The following GRIN2C variants were observed in gnomAD, a reference collection of about 807,000 sequenced individuals.
GRIN2C encodes glutamate ionotropic receptor NMDA type subunit 2C.
Under a neutral mutation model 77.7 loss-of-function variants are expected in GRIN2C, and 64 were observed. The ratio of observed to expected loss-of-function variants is 0.82; its 90% confidence interval spans 0.67 to 1.01. The LOEUF is 1.01. Among genes scored for constraint, GRIN2C ranks in the 50% least tolerant of loss-of-function variants. The probability of loss-of-function intolerance (pLI) is 0.00; values close to 1 mark genes in which losing one functional copy is unlikely to be tolerated. For synonymous variants in GRIN2C, 792 were observed against 643.4 expected (o/e 1.23, Z -3.49); for missense variants, 1,549 against 1,486.0 (o/e 1.04, Z -0.70).
chr17:74,852,381 C>A lies in GRIN2C; in HGVS notation c.630G>T (p.Ala210=). Residue 210 remains alanine, a synonymous_variant, in exon 3 of 13, where the codon GCG becomes GCT. Transcript: ENST00000293190. The part of the protein sequence containing the change: ...TLELGPGGPR[A]RTQRLLRQLD... ...GCTGGCGCAGCAGGCGCTGCGTGCG[C>A]GCGCGCGGCCCTCCCGGGCCCAGCT... 4 of 1,440,356 alleles carry A rather than the reference C, an allele frequency of 2.8e-6. No individual in the cohort carries two copies. Among genetic ancestry groups the A allele is most frequent in the Non-Finnish European group, 2.7e-6 (3 of 1,105,356 alleles). The allele number at this position is 1,440,356 out of a possible 1,614,324, so 89.2% of individuals were successfully genotyped here.
chr17:74,853,433 C>T (rs1204830479), intron 2 of GRIN2C: 1 of 152,180 alleles, frequency 6.6e-6, no homozygotes, highest in Admixed American at 6.5e-5. Flanking sequence ...GCTCTTAATT[C>T]GAGCAAACAG....
chr17:74,843,645 T>G, intron 12 of GRIN2C, 92 bp from the exon 13 acceptor site: 1 of 1,468,306 alleles, frequency 6.8e-7, no homozygotes. Flanking sequence ...GCATCATCAG[T>G]CTTCTATAAG....
Position 74,852,271 on chromosome 17 carries a change from C to T in GRIN2C, c.740G>A (p.Gly247Glu). The T allele has an allele frequency of 7.1e-7, 1 of 1,407,234 alleles. No homozygotes were observed. Among genetic ancestry groups the T allele is most frequent in the Non-Finnish European group, 9.2e-7 (1 of 1,086,922 alleles). The allele number at this position is 1,407,234 out of a possible 1,614,324, so 87.2% of individuals were successfully genotyped here. A position where few individuals can be genotyped will look rare whatever the true frequency, so the allele number is the denominator to read the frequency against. Reference sequence around the variant, plus strand: ...GGGCACCAGCCACACGTGGCCGGGCCCCACCAGACCGGCCTGCGCCGCCTC... The same window carrying T: ...GGGCACCAGCCACACGTGGCCGGGCTCCACCAGACCGGCCTGCGCCGCCTC... ...FAEAAQAGLV[G>E]PGHVWLVPNL... is the part of the protein sequence containing the mutation. The change falls in exon 3 of 13, where the codon GGG becomes GAG. Residue 247 changes from glycine to glutamate, a missense_variant. This residue lies in a region of GRIN2C where 382 missense variants were observed against 360.0 expected (regional missense o/e 1.06). Coordinates refer to ENST00000293190, the MANE Select transcript of GRIN2C (RefSeq NM_000835.6).
chr17:74,854,799 G>T lies in GRIN2C; in HGVS notation c.294C>A (p.Asn98Lys). Reference protein sequence around the residue: ...AHVHGIVFEDNVDTEAVAQIL... With the variant: ...AHVHGIVFEDKVDTEAVAQIL... Reference sequence around the variant, plus strand: ...TCTGGGCCACCGCCTCGGTGTCCACGTTGTCCTCAAAGACAATGCCGTGGA... The same window carrying T: ...TCTGGGCCACCGCCTCGGTGTCCACTTTGTCCTCAAAGACAATGCCGTGGA... The change falls in exon 2 of 13, where the codon AAC becomes AAA. Residue 98 changes from asparagine (N) to lysine (K), a missense_variant. Transcript: ENST00000293190. The T allele has an allele frequency of 6.2e-7, 1 of 1,613,810 alleles. No individual in the cohort carries two copies. The highest frequency in any genetic ancestry group is 1.1e-5 in the South Asian group (1 of 91,076).
At chr17:74,844,101 T>C (rs2037385340) in intron 12 of GRIN2C, 175 bp downstream of exon 12, 11 of 1,312,030 alleles carry the variant, frequency 8.4e-6, no homozygotes, top group Non-Finnish European at 1.1e-5. Context: ...CTCAAACTTC[T>C]GGACTCAAGG....
Position 74,847,951 on chromosome 17 carries a change from TC to T in GRIN2C, c.1671del (p.Met558Ter), listed in dbSNP as rs767237427. The T allele has an allele frequency of 3.1e-6, 5 of 1,614,052 alleles. No individual in the cohort carries two copies. The African/African-American group carries it at 6.7e-5, about 22-fold the overall frequency. On this transcript the variant is annotated frameshift_variant, in exon 8 of 13. Transcript: ENST00000293190. LOFTEE classifies it high-confidence loss of function. This position sits in a 1 kb window ranked among gnomAD's most constrained non-coding sequence, Gnocchi z 5.2. ...ACAGTGAGGCACATGACAAACATCATCACCCACACTGCAGGGCTATATGGCT... is the reference window on the plus strand; with the variant it reads ...ACAGTGAGGCACATGACAAACATCATACCCACACTGCAGGGCTATATGGCT... ...FLEPYSPAVW[V>X]MMFVMCLTVV... is the part of the protein sequence containing the mutation.
At position 74,842,997 on chromosome 17, in the gene GRIN2C, G is replaced by T; in HGVS notation, c.3140C>A (p.Pro1047Gln). The T allele has an allele frequency of 1.9e-6, 1 of 519,714 alleles. No individual in the cohort carries two copies. Among genetic ancestry groups the T allele is most frequent in the Non-Finnish European group, 3.4e-6 (1 of 294,456 alleles). 32.2% of individuals were successfully genotyped at this position (519,714 alleles called of 1,614,324 possible). ...RSGRPFLPLF[P>Q]ELEDLPLLGP... ...GAGCAGCGGCAGGTCCTCCAGCTCC[G>T]GGAAGAGCGGGAGGAAGGGGCGGCC... is the stretch of plus-strand genomic sequence containing the variant. Residue 1047 changes from proline (P) to glutamine (Q), a missense_variant, in exon 13 of 13, where the codon CCG becomes CAG. Pro to Gln is a moderately conservative substitution (Grantham distance 76). Coordinates refer to ENST00000293190, the MANE Select transcript of GRIN2C (RefSeq NM_000835.6).
At chr17:74,844,164 A>T (rs1382867483) in intron 12 of GRIN2C, 112 bp downstream of exon 12, 2 of 1,504,110 alleles carry the variant, frequency 1.3e-6, no homozygotes. Flanking sequence ...GTGAGCCATG[A>T]GCCGGGCCAG....
At chr17:74,852,964 C>T (rs2037711377) in intron 2 of GRIN2C, 2 of 228,440 alleles carry the variant, frequency 8.8e-6, no homozygotes, top group African/African-American at 4.5e-5. Flanking sequence ...TTCAGCCGAT[C>T]CTTGAGCCCG....
upstream of GRIN2C, chr17:74,859,908 G>A: frequency 6.1e-6 from 1 of 165,100 alleles, no homozygotes. The surrounding 1 kb of genome is among the most constrained non-coding windows in gnomAD (Gnocchi z 5.9). Context: ...GGCGGCGGCG[G>A]CTCCGGGCGG....
Position 74,843,205 on chromosome 17 carries a change from G to A in GRIN2C, c.2932C>T (p.Pro978Ser). The A allele has an allele frequency of 2.2e-6, 1 of 451,526 alleles. No individual in the cohort carries two copies. Among genetic ancestry groups the A allele is most frequent in the Non-Finnish European group, 3.6e-6 (1 of 274,610 alleles). The allele number at this position is 451,526 out of a possible 1,614,324, so 28.0% of individuals were successfully genotyped here. A position where few individuals can be genotyped will look rare whatever the true frequency, so the allele number is the denominator to read the frequency against. Reference sequence around the variant, plus strand: ...GGCCCCGGCGTCGGGGGGCGGCCCGGGGGCTGCGGAGCCCTGCGCACAAGC... The same window carrying A: ...GGCCCCGGCGTCGGGGGGCGGCCCGAGGGCTGCGGAGCCCTGCGCACAAGC... ...AALVRRAPQP[P>S]GRPPTPGPPL... The change falls in exon 13 of 13, where the codon CCG (proline) becomes TCG (serine). Residue 978 changes from proline to serine, a missense_variant. Transcript: ENST00000293190.
intron 2 of GRIN2C, 193 bp from the exon 3 acceptor site, chr17:74,852,804 C>T: frequency 2.3e-6 from 1 of 430,590 alleles, no homozygotes. Flanking sequence ...TGGTCATGCC[C>T]GGCCCCCAGC....
At chr17:74,843,680 G>T in intron 12 of GRIN2C, 127 bp from the exon 13 acceptor site, 1 of 1,269,414 alleles carries the variant, frequency 7.9e-7, no homozygotes. Flanking sequence ...TAACTGTGAA[G>T]CATCTCCCAT....
upstream of GRIN2C, chr17:74,860,023 C>T (rs1387175045): frequency 6.6e-6 from 1 of 152,600 alleles, no homozygotes; most frequent in Non-Finnish European, 1.5e-5. Flanking sequence ...GGCCCCCACC[C>T]CCACTCCCCC....
At position 74,847,666 on chromosome 17, in the gene GRIN2C, C is replaced by T; in HGVS notation, c.1772-129G>A. 1 of 868,872 alleles carries T rather than the reference C, an allele frequency of 1.2e-6. No homozygotes were observed. The highest frequency in any genetic ancestry group is 2.6e-5 in the East Asian group (1 of 37,780). The allele number at this position is 868,872 out of a possible 1,614,324, so 53.8% of individuals were successfully genotyped here. ...TGGGGGGGACGCGTCCTGGCCATTC[C>T]CTCGCCAGGTGAAGTGAGCTCACGT... On this transcript the variant is annotated intron_variant, in intron 8 of 12. Coordinates refer to ENST00000293190, the MANE Select transcript of GRIN2C (RefSeq NM_000835.6). This position sits in a 1 kb window ranked among gnomAD's most constrained non-coding sequence, Gnocchi z 5.2.
In GRIN2C at chr17:74,850,191, T is replaced by C. The variant is rs1411803914; in HGVS notation, c.1491+15A>G. The C allele has an allele frequency of 6.2e-7, 1 of 1,610,512 alleles. No homozygotes were observed. Among genetic ancestry groups the C allele is most frequent in the African/African-American group, 1.3e-5 (1 of 74,254 alleles). On this transcript the variant is annotated intron_variant, in intron 6 of 12. Transcript: ENST00000293190. The surrounding 1 kb of genome is among the most constrained non-coding windows in gnomAD (Gnocchi z 5.3). Reference sequence around the variant, plus strand: ...GCAGGCAGGGCAGGTGAGGAGGGAGTGGGGTGGGGCCTACCTCCCCAATCA... The same window carrying C: ...GCAGGCAGGGCAGGTGAGGAGGGAGCGGGGTGGGGCCTACCTCCCCAATCA...
In GRIN2C at chr17:74,843,030, T is replaced by C; in HGVS notation, c.3107A>G (p.Asp1036Gly). Reference protein sequence around the residue: ...RCHYSSFPRADRSGRPFLPLF... With the variant: ...RCHYSSFPRAGRSGRPFLPLF... ...CGGGAGGAAGGGGCGGCCGGATCGGTCGGCTCGAGGAAAGGAGCTGTAGTG... is the reference window on the plus strand; with the variant it reads ...CGGGAGGAAGGGGCGGCCGGATCGGCCGGCTCGAGGAAAGGAGCTGTAGTG... Residue 1036 changes from aspartate to glycine, a missense_variant, in exon 13 of 13, where the codon GAC becomes GGC. Around this residue, in one of 3 missense-constraint regions of GRIN2C, gnomAD observed 450 missense variants for 267.9 expected, o/e 1.68. Coordinates refer to ENST00000293190, the MANE Select transcript of GRIN2C (RefSeq NM_000835.6). 1 of 485,786 alleles carries C rather than the reference T, an allele frequency of 2.1e-6. No individual in the cohort carries two copies. The highest frequency in any genetic ancestry group is 3.7e-6 in the Non-Finnish European group (1 of 272,680). 30.1% of individuals were successfully genotyped at this position (485,786 alleles called of 1,614,324 possible).
rs1425070171 is a variant in GRIN2C at position 74,849,459 on chromosome 17, C to T, written c.1645+321G>A. 6.6e-6 allele frequency among the ~76,000 whole-genome samples: 1 copy of T among 152,180 alleles called. No homozygotes were observed. The highest frequency in any genetic ancestry group is 1.5e-5 in the Non-Finnish European group (1 of 68,006). On this transcript the variant is annotated intron_variant, in intron 7 of 12. Transcript: ENST00000293190. This position sits in a 1 kb window ranked among gnomAD's most constrained non-coding sequence, Gnocchi z 4.6. Reference sequence around the variant, plus strand: ...TCGCTCCTCAACTCCCCACGGGCCTCCCCCACTCGTTCCACAGTCCTGGGC... The same window carrying T: ...TCGCTCCTCAACTCCCCACGGGCCTTCCCCACTCGTTCCACAGTCCTGGGC...
intron 2 of GRIN2C, chr17:74,854,361 C>T (rs1389910633): frequency 3.7e-6 from 1 of 271,796 alleles, no homozygotes; most frequent in East Asian, 7.2e-5. Context: ...GCACCACCTC[C>T]ATGCCCGGCT....
Sources: allele counts gnomAD v4.1 joint callset (sites outside exome capture counted in the v4.1 genomes callset), GRCh38; gene constraint gnomAD v4.1.1; regional missense constraint gnomAD v4.1.1; non-coding constraint Gnocchi (gnomAD v3.1); transcripts MANE v1.5; gene names NCBI Gene and HGNC (gene_info 2026-07-23, HGNC 2026-07-21).